The following DLC1 variants were observed in gnomAD, a reference collection of about 807,000 sequenced individuals.
The protein encoded by DLC1 is DLC1 Rho GTPase activating protein, also known as rho GTPase-activating protein 7.
In DLC1, 54 loss-of-function variants were observed where a neutral mutation model predicts 140.3. That is an observed-to-expected ratio of 0.38 (90% CI 0.31 to 0.48). DLC1 has a LOEUF of 0.48. Ranked by LOEUF, DLC1 falls within the 20% of genes least tolerant of loss-of-function variation. DLC1 has a pLI of 0.96. For synonymous variants in DLC1, 986 were observed against 728.1 expected, an observed-to-expected ratio of 1.35 and a Z score of -5.70; for missense variants, 2,536 against 1,907.0, an observed-to-expected ratio of 1.33 and a Z score of -6.14.
intron 5 of DLC1, among the ~76,000 whole-genome samples, chr8:13,298,412 A>T (rs529661382): frequency 3.6e-4 from 55 of 152,346 alleles, no homozygotes; most frequent in African/African-American, 1.3e-3. Context: ...AAAAAGCTTT[A>T]GAATCGTGTT....
intron 5 of DLC1, among the ~76,000 whole-genome samples, chr8:13,152,806 G>A (rs1823926089): frequency 1.0e-5 from 1 of 97,354 alleles, no homozygotes; most frequent in Non-Finnish European, 1.8e-5. Context: ...GACAGACTGA[G>A]ACCCTGTCTC....
intron 2 of DLC1, among the ~76,000 whole-genome samples, chr8:13,404,421 C>G (rs894357443): frequency 3.4e-4 from 52 of 152,116 alleles, no homozygotes; most frequent in Admixed American, 9.8e-4. Context: ...TATGGTGACT[C>G]CGAAACACAC....
intron 2 of DLC1, among the ~76,000 whole-genome samples, chr8:13,460,873 G>C (rs1407814808): frequency 3.3e-5 from 5 of 152,188 alleles, no homozygotes; most frequent in Admixed American, 3.3e-4. Context: ...AGTTACAGTG[G>C]CTTATTTCAC....
intron 1 of DLC1, among the ~76,000 whole-genome samples, chr8:13,544,859 T>C: frequency 6.6e-6 from 1 of 152,200 alleles, no homozygotes; most frequent in East Asian, 1.9e-4. Context: ...CTTTGTTCTA[T>C]AATGCTGCTT....
At chr8:13,197,316 C>T (rs545419856) in intron 5 of DLC1, among the ~76,000 whole-genome samples, 1 of 151,886 alleles carries the variant, frequency 6.6e-6, no homozygotes, top group Admixed American at 6.6e-5. Context: ...CTATTTAAGC[C>T]CTTGATTTAT....
chr8:13,520,665 A>T (rs1802736774), intron 1 of DLC1, among the ~76,000 whole-genome samples: 1 of 152,174 alleles, frequency 6.6e-6, no homozygotes, highest in Non-Finnish European at 1.5e-5. Context: ...AAAAATATTG[A>T]CACAGACAAG....
intron 4 of DLC1, among the ~76,000 whole-genome samples, chr8:13,335,197 G>T (rs935415843): frequency 2.6e-5 from 4 of 152,152 alleles, no homozygotes; most frequent in Non-Finnish European, 4.4e-5. Flanking sequence ...AAATGCCTTG[G>T]GGTCTGCCAC....
intron 3 of DLC1, among the ~76,000 whole-genome samples, chr8:13,401,258 G>C (rs1023552634): frequency 3.3e-5 from 5 of 152,086 alleles, no homozygotes; most frequent in Non-Finnish European, 7.4e-5. Context: ...AAGTTCTTTT[G>C]TATCACCCAT....
rs560098538 is a variant in DLC1, at chr8:13,566,826, G to A, written c.-126+37711C>T. ...CGCATGGTGGCCAGTCACTGCGCAT[G>A]AGCGGCCCGCGTTGCCAAGACAGCT... On this transcript the variant is annotated intron_variant, in intron 1 of 1. Coordinates refer to the DLC1 transcript ENST00000631382. 27 of 898,338 alleles carry A rather than the reference G, an allele frequency of 3.0e-5. No individual in the cohort carries two copies. In the Admixed American group the frequency reaches 4.3e-4, roughly 14 times the overall value. The allele number at this position is 898,338 out of a possible 1,614,324, so 55.6% of individuals were successfully genotyped here. A position where few individuals can be genotyped will look rare whatever the true frequency, so the allele number is the denominator to read the frequency against.
intron 4 of DLC1, among the ~76,000 whole-genome samples, chr8:13,314,879 G>T (rs984925274): frequency 6.6e-6 from 1 of 152,194 alleles, no homozygotes; most frequent in African/African-American, 2.4e-5. Flanking sequence ...TTATTACAGG[G>T]AGATATTCAT....
intron 2 of DLC1, among the ~76,000 whole-genome samples, chr8:13,493,327 C>T (rs1801349802): frequency 6.6e-6 from 1 of 152,196 alleles, no homozygotes; most frequent in African/African-American, 2.4e-5. Flanking sequence ...TGCTTTCATT[C>T]CACATATCTT....
intron 5 of DLC1, among the ~76,000 whole-genome samples, chr8:13,221,724 G>GTATATATATATATA (rs1311540477): frequency 1.7e-4 from 22 of 132,966 alleles, no homozygotes; most frequent in African/African-American, 5.2e-4. Flanking sequence ...GTGTGTGTGT[G>GTATATATATATATA]TGTATATATA....
At chr8:13,287,197 G>C (rs1490152241) in intron 5 of DLC1, among the ~76,000 whole-genome samples, 7 of 152,070 alleles carry the variant, frequency 4.6e-5, no homozygotes, top group Admixed American at 4.6e-4. Flanking sequence ...TACTGGCTTG[G>C]GCTTTCTGGC....
intron 5 of DLC1, among the ~76,000 whole-genome samples, chr8:13,232,407 C>T (rs1221608865): frequency 1.3e-5 from 2 of 152,116 alleles, no homozygotes; most frequent in East Asian, 1.9e-4. Flanking sequence ...GATCTTGGCT[C>T]ACTGCAACCT....
In DLC1 at chr8:13,099,877, T is replaced by C. The variant is rs557831043; in HGVS notation, c.2460A>G (p.Lys820=). 1.9e-6 allele frequency: 3 copies of C among 1,614,144 alleles called. No homozygotes were observed. In the Admixed American group the frequency reaches 5.0e-5, roughly 27 times the overall value. ...PEDHKPGTFP[K]ALTNGSFSPS... is the part of the protein sequence containing the mutation. ...GGGAGAAACTGCCATTGGTGAGAGCTTTGGGGAAAGTGCCAGGCTTGTGAT... is the reference window on the plus strand; with the variant it reads ...GGGAGAAACTGCCATTGGTGAGAGCCTTGGGGAAAGTGCCAGGCTTGTGAT... Residue 820 remains lysine, a synonymous_variant, in exon 9 of 18, where the codon AAA becomes AAG. Coordinates refer to ENST00000276297, the MANE Select transcript of DLC1 (RefSeq NM_182643.3).
At position 13,567,329 on chromosome 8, in the gene DLC1, G is replaced by A. The variant is rs772088115; in HGVS notation, c.-126+37208C>T. On this transcript the variant is annotated intron_variant, in intron 1 of 1. Transcript: ENST00000631382. ...ACCAAACTTCCAACAGAAATCACTC[G>A]GGTATCAGATGAAGAATTGAATGCC... 5 of 1,551,472 alleles carry A rather than the reference G, an allele frequency of 3.2e-6. No individual in the cohort carries two copies. The South Asian group carries it at 4.8e-5, about 15-fold the overall frequency.
At chr8:13,289,111 A>G (rs1354623491) in intron 5 of DLC1, among the ~76,000 whole-genome samples, 1 of 152,156 alleles carries the variant, frequency 6.6e-6, no homozygotes, top group African/African-American at 2.4e-5. Context: ...TGCTCATGCC[A>G]TCTGGCTTCC....
chr8:13,550,412 C>A (rs547540360), intron 1 of DLC1, among the ~76,000 whole-genome samples: 1 of 151,976 alleles, frequency 6.6e-6, no homozygotes, highest in African/African-American at 2.4e-5. Context: ...TATGAATTAC[C>A]CAGTCTTAAT....
chr8:13,292,572 C>A (rs963143944), intron 5 of DLC1, among the ~76,000 whole-genome samples: 1 of 152,016 alleles, frequency 6.6e-6, no homozygotes, highest in African/African-American at 2.4e-5. Flanking sequence ...TATAGATGGA[C>A]GCTATTGTGT....
Sources: allele counts gnomAD v4.1 joint callset (sites outside exome capture counted in the v4.1 genomes callset), GRCh38; gene constraint gnomAD v4.1.1; transcripts MANE v1.5; gene names NCBI Gene and HGNC (gene_info 2026-07-23, HGNC 2026-07-21).